The following SH3GLB1 variants were observed in gnomAD, a reference collection of about 807,000 sequenced individuals.
SH3GLB1 encodes the protein SH3 domain containing GRB2 like, endophilin B1, also known as endophilin-B1.
SH3GLB1 carries 17 observed loss-of-function variants against 42.0 expected under a neutral mutation model. The observed-to-expected ratio is 0.40, with a 90% confidence interval of 0.28 to 0.61. The LOEUF (loss-of-function observed/expected upper bound fraction) is 0.61. Ranked by LOEUF, SH3GLB1 falls within the 20% of genes least tolerant of loss-of-function variation. SH3GLB1 has a pLI of 0.36. For missense variants in SH3GLB1, 355 were observed against 426.3 expected (o/e 0.83, Z 1.47); for synonymous variants, 132 against 146.6 (o/e 0.90, Z 0.72).
intron 7 of SH3GLB1, among the ~76,000 whole-genome samples, chr1:86,735,414 A>G (rs1301233390): frequency 1.3e-5 from 2 of 152,218 alleles, no homozygotes; most frequent in African/African-American, 4.8e-5. Flanking sequence ...TCAGTGCTGT[A>G]AGGTTAAAAG....
intron 3 of SH3GLB1, 108 bp downstream of exon 3, chr1:86,719,743 C>A: frequency 8.8e-7 from 1 of 1,130,504 alleles, no homozygotes. Context: ...CACCTGTAAT[C>A]CCAGCACTTT....
At chr1:86,735,638 A>G (rs1202817117) in intron 7 of SH3GLB1, among the ~76,000 whole-genome samples, 1 of 152,250 alleles carries the variant, frequency 6.6e-6, no homozygotes, top group African/African-American at 2.4e-5. Context: ...CTTCAAAGCA[A>G]AATGACAGTA....
chr1:86,737,765 T>C (rs185992866), intron 7 of SH3GLB1, among the ~76,000 whole-genome samples: 1 of 152,230 alleles, frequency 6.6e-6, no homozygotes, highest in East Asian at 1.9e-4. Flanking sequence ...AAGGTGAAAA[T>C]GGTGTACCGG....
rs906578402 is a variant in SH3GLB1, at chr1:86,721,807, C to T, written c.344-733C>T. 2.6e-5 allele frequency among the ~76,000 whole-genome samples: 4 copies of T among 151,876 alleles called. No homozygotes were observed. The East Asian group carries it at 7.7e-4, about 29-fold the overall frequency. ...ATCCATGGGGGATTGGATCCAGGCC[C>T]GCCACCCTGAGGATACCAAAATCCA... On this transcript the variant is annotated intron_variant, in intron 3 of 8. Coordinates refer to ENST00000370558, the MANE Select transcript of SH3GLB1 (RefSeq NM_016009.5).
intron 8 of SH3GLB1, 77 bp downstream of exon 8, chr1:86,742,513 C>A: frequency 9.7e-7 from 1 of 1,035,392 alleles, no homozygotes; most frequent in South Asian, 1.5e-5. Context: ...AATGCAAATT[C>A]CTCATTAGTT....
Position 86,705,834 on chromosome 1 carries a change from G to T in SH3GLB1, c.72+863G>T, listed in dbSNP as rs116331869. Reference sequence around the variant, plus strand: ...CACAACATGAATTATAAACAATCTGGTGTTTACGGTCACGGTAGCAACAAC... The same window carrying T: ...CACAACATGAATTATAAACAATCTGTTGTTTACGGTCACGGTAGCAACAAC... On this transcript the variant is annotated intron_variant, in intron 1 of 8. Transcript: ENST00000370558. 2.4e-3 allele frequency among the ~76,000 whole-genome samples: 359 copies of T among 152,298 alleles called. 3 individuals are homozygous for T. The highest frequency in any genetic ancestry group is 8.2e-3 in the African/African-American group (341 of 41,562).
intron 1 of SH3GLB1, among the ~76,000 whole-genome samples, chr1:86,709,948 A>G (rs1160051100): frequency 6.6e-6 from 1 of 152,234 alleles, no homozygotes. Context: ...TTGGCCAAAC[A>G]ACTCTCTCAA....
intron 5 of SH3GLB1, among the ~76,000 whole-genome samples, chr1:86,732,209 TACAGATACC>T (rs1377209959): frequency 6.6e-6 from 1 of 152,224 alleles, no homozygotes; most frequent in Admixed American, 6.5e-5. Flanking sequence ...ATTTAGGGCT[TACAGATACC>T]CAATCTTGAT....
chr1:86,719,995 C>CAAAAAAAAAAAAA (rs570115346), intron 3 of SH3GLB1, among the ~76,000 whole-genome samples: 1 of 62,424 alleles, frequency 1.6e-5, no homozygotes, highest in Non-Finnish European at 3.3e-5. Context: ...GACTCTGTCT[C>CAAAAAAAAAAAAA]AAAAAAAAAA....
chr1:86,704,764 CGGCTGCGGGGCTGGCG>C lies in SH3GLB1; in HGVS notation c.-135_-120del. ...TCCCCGTTCACGGAAACGACAGCTG[CGGCTGCGGGGCTGGCG>C]CCGCCTCCCTCCACCTACCACGTCT... On this transcript the variant is annotated 5_prime_UTR_variant, in exon 1 of 9. Transcript: ENST00000370558. 1 of 511,652 alleles carries C rather than the reference CGGCTGCGGGGCTGGCG, an allele frequency of 2.0e-6. No individual in the cohort carries two copies. The highest frequency in any genetic ancestry group is 3.7e-5 in the East Asian group (1 of 26,978). The allele number at this position is 511,652 out of a possible 1,614,324, so 31.7% of individuals were successfully genotyped here. A position where few individuals can be genotyped will look rare whatever the true frequency, so the allele number is the denominator to read the frequency against.
In SH3GLB1 at chr1:86,713,321, A is replaced by G. The variant is rs973443187; in HGVS notation, c.73-2403A>G. Among the ~76,000 whole-genome samples the G allele has an allele frequency of 3.9e-5, 6 of 151,956 alleles. No individual in the cohort carries two copies. In the East Asian group the frequency reaches 9.6e-4, roughly 24 times the overall value. On this transcript the variant is annotated intron_variant, in intron 1 of 8. Coordinates refer to ENST00000370558, the MANE Select transcript of SH3GLB1 (RefSeq NM_016009.5). ...GGTCTAGAACTCCTGAGCTCAAGTGATCTGCCTGCCTCAGCCTCCCAAAGT... is the reference window on the plus strand; with the variant it reads ...GGTCTAGAACTCCTGAGCTCAAGTGGTCTGCCTGCCTCAGCCTCCCAAAGT...
intron 5 of SH3GLB1, chr1:86,730,360 G>A: frequency 1.0e-6 from 1 of 985,320 alleles, no homozygotes; most frequent in Non-Finnish European, 1.2e-6. Flanking sequence ...ATACTAAGTG[G>A]TAATCTTACA....
At position 86,704,585 on chromosome 1, in the gene SH3GLB1, T is replaced by G. The variant is rs967250945; in HGVS notation, c.-315T>G. On this transcript the variant is annotated 5_prime_UTR_variant, in exon 1 of 9. Coordinates refer to ENST00000370558, the MANE Select transcript of SH3GLB1 (RefSeq NM_016009.5). The stretch of plus-strand genomic sequence containing the variant: ...CCCGCGGCCCGCGCTTGTTTTTCCC[T>G]TGGGACCCGGGTCCACACGGCGGGG... 1 of 233,976 alleles carries G rather than the reference T, an allele frequency of 4.3e-6. No individual in the cohort carries two copies. The highest frequency in any genetic ancestry group is 1.2e-4 in the East Asian group (1 of 8,488). 14.5% of individuals were successfully genotyped at this position (233,976 alleles called of 1,614,324 possible).
Position 86,719,605 on chromosome 1 carries a change from G to C in SH3GLB1, c.313G>C (p.Gly105Arg). The C allele has an allele frequency of 6.2e-7, 1 of 1,610,274 alleles. No homozygotes were observed. The highest frequency in any genetic ancestry group is 8.5e-7 in the Non-Finnish European group (1 of 1,178,094). ...ELLGQYMIDA[G>R]TEFGPGTAYG... ...TTTGGGACAATATATGATTGATGCAGGGACTGAGTTTGGCCCAGGAACAGC... is the reference window on the plus strand; with the variant it reads ...TTTGGGACAATATATGATTGATGCACGGACTGAGTTTGGCCCAGGAACAGC... The change falls in exon 3 of 9, where the codon GGG becomes CGG. Residue 105 changes from glycine (G) to arginine (R), a missense_variant. By Grantham distance (125) the Gly-to-Arg change is moderately radical. Transcript: ENST00000370558.
At chr1:86,737,991 G>A (rs551575210) in intron 7 of SH3GLB1, among the ~76,000 whole-genome samples, 1 of 152,264 alleles carries the variant, frequency 6.6e-6, no homozygotes, top group South Asian at 2.1e-4. Flanking sequence ...CTTCGACTTT[G>A]GTCTTTACTC....
At chr1:86,727,496 C>T (rs534266904) in intron 5 of SH3GLB1, among the ~76,000 whole-genome samples, 12 of 152,060 alleles carry the variant, frequency 7.9e-5, no homozygotes, top group South Asian at 2.1e-4. Context: ...GCCTTTATGA[C>T]GCTCAAAAGA....
intron 5 of SH3GLB1, 75 bp from the exon 6 acceptor site, chr1:86,734,527 T>TA: frequency 9.5e-7 from 1 of 1,050,062 alleles, no homozygotes; most frequent in East Asian, 2.5e-5. Flanking sequence ...GGATTTTTTT[T>TA]AACCATCTAA....
intron 5 of SH3GLB1, among the ~76,000 whole-genome samples, chr1:86,725,961 A>AACTTCCCTAAACAG (rs1553208500): frequency 6.6e-6 from 1 of 152,132 alleles, no homozygotes; most frequent in Non-Finnish European, 1.5e-5. Flanking sequence ...CAAACAACAA[A>AACTTCCCTAAACAG]ACTTCCCTAA....
At position 86,744,508 on chromosome 1, in the gene SH3GLB1, TA is replaced by T. The variant is rs1656207392; in HGVS notation, c.*1275del. 6.6e-6 allele frequency: 1 copy of T among 152,228 alleles called. No homozygotes were observed. Among genetic ancestry groups the T allele is most frequent in the South Asian group, 2.1e-4 (1 of 4,836 alleles). The allele number at this position is 152,228 out of a possible 1,614,324, so 9.4% of individuals were successfully genotyped here. On this transcript the variant is annotated 3_prime_UTR_variant, in exon 9 of 9. Transcript: ENST00000370558. ...CAAGGTACTGTATTTGGGAGTCATG[TA>T]ACTCCAGTTTTGGGAGTGAGAGAGG... is the stretch of plus-strand genomic sequence containing the variant.
Sources: gnomAD v4.1 joint callset for allele counts (sites outside exome capture counted in the v4.1 genomes callset) on GRCh38, gnomAD v4.1.1 for gene constraint, MANE v1.5 for transcripts, NCBI Gene and HGNC (gene_info 2026-07-23, HGNC 2026-07-21) for gene names.